The following TNRC18 variants were observed in gnomAD, a reference collection of about 807,000 sequenced individuals.
TNRC18 encodes trinucleotide repeat containing 18.
A neutral mutation model predicts 226.7 loss-of-function variants in TNRC18; 69 were observed. The ratio of observed to expected loss-of-function variants is 0.30; its 90% confidence interval spans 0.25 to 0.37. The LOEUF (loss-of-function observed/expected upper bound fraction) is 0.37, where lower values mean the gene tolerates loss of function less well. Among genes scored for constraint, TNRC18 ranks in the 10% least tolerant of loss-of-function variants. The pLI is 1.00. For missense variants in TNRC18, 4,754 were observed against 4,256.6 expected, an observed-to-expected ratio of 1.12 and a Z score of -3.25; for synonymous variants, 2,449 against 1,927.6, an observed-to-expected ratio of 1.27 and a Z score of -7.09.
At chr7:5,358,124 A>G (rs1207630990) in intron 15 of TNRC18, among the ~76,000 whole-genome samples, 1 of 152,168 alleles carries the variant, frequency 6.6e-6, no homozygotes, top group East Asian at 1.9e-4. Flanking sequence ...ACAAAGTACT[A>G]GTGCACACTC....
intron 18 of TNRC18, among the ~76,000 whole-genome samples, chr7:5,339,410 T>G (rs1790448705): frequency 6.6e-6 from 1 of 151,916 alleles, no homozygotes; most frequent in Non-Finnish European, 1.5e-5. Context: ...TGGCTAGTTT[T>G]TATCTTTTTA....
intron 10 of TNRC18, among the ~76,000 whole-genome samples, chr7:5,373,494 C>T (rs947151413): frequency 1.3e-5 from 2 of 152,128 alleles, no homozygotes; most frequent in African/African-American, 4.8e-5. Flanking sequence ...TCAGTGATTG[C>T]CACCACTGGC....
At chr7:5,422,112 C>CG (rs1024226088) in intron 1 of TNRC18, among the ~76,000 whole-genome samples, 3 of 152,050 alleles carry the variant, frequency 2.0e-5, no homozygotes, top group Non-Finnish European at 2.9e-5. Flanking sequence ...TTTCTCCCCC[C>CG]GGGGGGCACT....
chr7:5,315,657 C>T (rs189389795), intron 25 of TNRC18, among the ~76,000 whole-genome samples: 2 of 152,314 alleles, frequency 1.3e-5, no homozygotes, highest in East Asian at 1.9e-4. Flanking sequence ...CTCTTGACCT[C>T]GTGATCCGCC....
At chr7:5,336,892 C>G (rs1005953284) in intron 18 of TNRC18, among the ~76,000 whole-genome samples, 5 of 152,184 alleles carry the variant, frequency 3.3e-5, no homozygotes, top group Non-Finnish European at 7.3e-5. Context: ...CCTCAGAGAC[C>G]TGTCAGATAA....
chr7:5,332,789 A>C lies in TNRC18; in HGVS notation c.5980T>G (p.Trp1994Gly). The C allele has an allele frequency of 6.6e-7, 1 of 1,514,088 alleles. No individual in the cohort carries two copies. Among genetic ancestry groups the C allele is most frequent in the Non-Finnish European group, 8.8e-7 (1 of 1,138,524 alleles). 93.8% of individuals were successfully genotyped at this position (1,514,088 alleles called of 1,614,324 possible). A position where few individuals can be genotyped will look rare whatever the true frequency, so the allele number is the denominator to read the frequency against. Residue 1994 changes from tryptophan to glycine, a missense_variant, in exon 19 of 30, where the codon TGG becomes GGG. Physicochemically the swap from Trp to Gly is radical, Grantham distance 184 (BLOSUM62 -2). Coordinates refer to ENST00000430969, the MANE Select transcript of TNRC18 (RefSeq NM_001080495.3). The part of the protein sequence containing the change: ...AGPEASDDDL[W>G]TRRRSERIFL... ...ATGCGCTCGCTGCGGCGCCGCGTCC[A>C]CAGGTCGTCGTCGCTGGCCTCGGGC...
At chr7:5,314,851 G>A (rs568571661) in intron 26 of TNRC18, 133 bp downstream of exon 26, 2 of 986,908 alleles carry the variant, frequency 2.0e-6, no homozygotes, top group Admixed American at 2.8e-5. Context: ...GGGATTACAG[G>A]TGTGAGGCAC....
chr7:5,310,598 A>T (rs1030034311), intron 27 of TNRC18, among the ~76,000 whole-genome samples: 1 of 151,952 alleles, frequency 6.6e-6, no homozygotes, highest in African/African-American at 2.4e-5. Context: ...GTAGTGGCAC[A>T]ATCACAGCTC....
At chr7:5,374,513 C>T in intron 9 of TNRC18, 29 bp from the exon 10 acceptor site, 2 of 1,531,868 alleles carry the variant, frequency 1.3e-6, no homozygotes, top group Non-Finnish European at 8.8e-7. Flanking sequence ...GCAGGGTCAG[C>T]ACGGCACGAG....
At chr7:5,392,852 G>T (rs184077767) in intron 3 of TNRC18, among the ~76,000 whole-genome samples, 1 of 151,688 alleles carries the variant, frequency 6.6e-6, no homozygotes, top group Non-Finnish European at 1.5e-5. Context: ...CACCAAAAAC[G>T]AATACAGTAG....
chr7:5,413,122 TCCCGTAA>T (rs529706303), intron 2 of TNRC18, among the ~76,000 whole-genome samples: 68 of 152,012 alleles, frequency 4.5e-4, no homozygotes, highest in Non-Finnish European at 7.1e-4. Flanking sequence ...CTCCAGCCCA[TCCCGTAA>T]AAAGCTGAGC....
At chr7:5,340,464 C>T (rs757533412) in intron 18 of TNRC18, among the ~76,000 whole-genome samples, 15 of 152,186 alleles carry the variant, frequency 9.9e-5, no homozygotes, top group Admixed American at 2.0e-4. Context: ...CAGTTGGGCA[C>T]GGTGGCTCAC....
rs1316597421 is a variant in TNRC18 at position 5,370,978 on chromosome 7, G to A, written c.3616C>T (p.Leu1206=). ...CGGGLLEAQA[L]SATGQSCAEP... is the part of the protein sequence containing the mutation. ...GCGCAGCTCTGCCCGGTGGCACTCA[G>A]CGCCTGGGCCTCCAACAGGCCACCT... is the stretch of plus-strand genomic sequence containing the variant. The change falls in exon 11 of 30, where the codon CTG becomes TTG. Residue 1206 remains leucine, a synonymous_variant. Transcript: ENST00000430969. 6.2e-7 allele frequency: 1 copy of A among 1,605,874 alleles called. No homozygotes were observed. The highest frequency in any genetic ancestry group is 1.3e-5 in the African/African-American group (1 of 74,934).
intron 11 of TNRC18, among the ~76,000 whole-genome samples, chr7:5,365,229 A>G (rs2128165890): frequency 6.6e-6 from 1 of 152,278 alleles, no homozygotes; most frequent in African/African-American, 2.4e-5. Context: ...ACCCTGCCTC[A>G]GCCTCCTGAG....
chr7:5,404,339 C>A (rs1170963805), intron 2 of TNRC18, among the ~76,000 whole-genome samples: 4 of 152,076 alleles, frequency 2.6e-5, no homozygotes, highest in Non-Finnish European at 4.4e-5. Flanking sequence ...CCACTGCACT[C>A]CAGCCTGGGC....
chr7:5,341,762 C>CAAAA (rs34897154), intron 18 of TNRC18, among the ~76,000 whole-genome samples: 1 of 92,200 alleles, frequency 1.1e-5, no homozygotes. Flanking sequence ...GACTCCGTCT[C>CAAAA]AAAAAAAAAA....
At chr7:5,408,254 G>T (rs908615750) in intron 2 of TNRC18, among the ~76,000 whole-genome samples, 1 of 149,908 alleles carries the variant, frequency 6.7e-6, no homozygotes, top group African/African-American at 2.5e-5. Context: ...AGCTGAGATC[G>T]TGCCACTGCA....
At chr7:5,373,694 G>T (rs976413590) in intron 10 of TNRC18, among the ~76,000 whole-genome samples, 21 of 152,186 alleles carry the variant, frequency 1.4e-4, no homozygotes, top group African/African-American at 5.1e-4. Context: ...AGAACGGGGG[G>T]AAAGCTGCCC....
At position 5,315,033 on chromosome 7, in the gene TNRC18, T is replaced by C. The variant is rs758843327; in HGVS notation, c.6978A>G (p.Gly2326=). 4.4e-6 allele frequency: 7 copies of C among 1,608,926 alleles called. No individual in the cohort carries two copies. In the South Asian group the frequency reaches 6.7e-5, roughly 15 times the overall value. ...DGGTAGSEEP[G]AKARGRGRKP... ...TCCGCCCACGCCCACGGGCCTTGGC[T>C]CCTGGCTCCTCCGACCCAGCCGTGC... Residue 2326 remains glycine (G), a synonymous_variant, in exon 26 of 30, where the codon GGA becomes GGG. Transcript: ENST00000430969.
Sources: allele counts gnomAD v4.1 joint callset (sites outside exome capture counted in the v4.1 genomes callset), GRCh38; gene constraint gnomAD v4.1.1; transcripts MANE v1.5; gene names NCBI Gene and HGNC (gene_info 2026-07-23, HGNC 2026-07-21).